Variants in NFATC1 observed in about 807,000 individuals in gnomAD.
The protein encoded by NFATC1 is nuclear factor of activated T cells 1.
Under a neutral mutation model 76.0 loss-of-function variants are expected in NFATC1, and 22 were observed. The observed-to-expected ratio is 0.29, with a 90% CI of 0.21 to 0.41. The LOEUF (loss-of-function observed/expected upper bound fraction) is 0.41. NFATC1 is among the 10% of genes least tolerant of loss of function. NFATC1 has a pLI of 1.00. For synonymous variants in NFATC1, 704 were observed against 613.1 expected, an observed-to-expected ratio of 1.15 and a Z score of -2.19; for missense variants, 1,357 against 1,337.7, an observed-to-expected ratio of 1.01 and a Z score of -0.23.
intron 2 of NFATC1, among the ~76,000 whole-genome samples, chr18:79,416,804 C>T (rs896490129): frequency 6.6e-6 from 1 of 152,230 alleles, no homozygotes; most frequent in African/African-American, 2.4e-5. Flanking sequence ...CTGGTTCCCG[C>T]TAACCCTTGC....
chr18:79,455,900 T>G (rs1309322684), intron 6 of NFATC1, among the ~76,000 whole-genome samples: 1 of 152,074 alleles, frequency 6.6e-6, no homozygotes, highest in Non-Finnish European at 1.5e-5. Context: ...TTTCCAGATT[T>G]CTCCACACAG....
chr18:79,396,805 C>A (rs1391196063), intron 1 of NFATC1, among the ~76,000 whole-genome samples: 1 of 151,520 alleles, frequency 6.6e-6, no homozygotes, highest in Non-Finnish European at 1.5e-5. Context: ...GCGCCCCCCA[C>A]CCCCACCCCG....
At chr18:79,455,735 C>T (rs368597365) in intron 6 of NFATC1, among the ~76,000 whole-genome samples, 17 of 122,318 alleles carry the variant, frequency 1.4e-4, no homozygotes, top group African/African-American at 4.5e-4. Flanking sequence ...GACCCCAGCT[C>T]GCCCCCCATC....
At chr18:79,408,443 C>T (rs1332706489) in intron 1 of NFATC1, among the ~76,000 whole-genome samples, 1 of 152,172 alleles carries the variant, frequency 6.6e-6, no homozygotes, top group African/African-American at 2.4e-5. Flanking sequence ...ACTGATTTCC[C>T]TAATAATGAT....
intron 9 of NFATC1, among the ~76,000 whole-genome samples, chr18:79,504,074 C>T (rs1056951008): frequency 3.3e-5 from 5 of 152,144 alleles, no homozygotes; most frequent in South Asian, 4.1e-4. Flanking sequence ...CCAGATCACT[C>T]GGACTTTCTC....
chr18:79,430,380 T>C (rs2086550145), intron 2 of NFATC1, among the ~76,000 whole-genome samples: 1 of 152,204 alleles, frequency 6.6e-6, no homozygotes, highest in African/African-American at 2.4e-5. Flanking sequence ...CTGTGAATTT[T>C]GTTTTTGGTT....
chr18:79,470,786 C>A (rs1386762993), intron 8 of NFATC1: 1 of 152,310 alleles, frequency 6.6e-6, no homozygotes, highest in Non-Finnish European at 1.5e-5. Flanking sequence ...GTCAGAAGGT[C>A]GCAGTGGTCG....
chr18:79,491,622 G>A (rs1667671), intron 9 of NFATC1, among the ~76,000 whole-genome samples: 71,372 of 152,102 alleles, frequency 0.47, 17,475 homozygotes, highest in Middle Eastern at 0.66. Flanking sequence ...GGTGACAGAA[G>A]CCCTGCCGGG....
chr18:79,444,635 A>G (rs535271288), intron 3 of NFATC1, among the ~76,000 whole-genome samples: 283 of 152,348 alleles, frequency 1.9e-3, no homozygotes, highest in African/African-American at 6.4e-3. Flanking sequence ...ACAACCTGGC[A>G]GACCACACCA....
chr18:79,464,702 A>ATATATATATATAT (rs1425452711), intron 7 of NFATC1, among the ~76,000 whole-genome samples: 16 of 69,270 alleles, frequency 2.3e-4, no homozygotes, highest in Admixed American at 5.4e-4. Flanking sequence ...ATATTTATTT[A>ATATATATATATAT]TTTATTTATT....
intron 3 of NFATC1, among the ~76,000 whole-genome samples, chr18:79,434,872 G>A (rs2086717992): frequency 6.6e-6 from 1 of 152,262 alleles, no homozygotes; most frequent in South Asian, 2.1e-4. Flanking sequence ...TTAATGTGAT[G>A]TTTGTGGCCT....
In NFATC1 at chr18:79,524,346, C is replaced by T. The variant is rs773677437; in HGVS notation, c.2783-3182C>T. On this transcript the variant is annotated intron_variant, in intron 9 of 9. Transcript: ENST00000427363. The surrounding 1 kb of genome is among the most constrained non-coding windows in gnomAD (Gnocchi z 7.2). ...CGGCTCCACGTACGGCTCTCGTCCGCGGTGTGGATGGGTGGGCGGTACAGC... is the reference window on the plus strand; with the variant it reads ...CGGCTCCACGTACGGCTCTCGTCCGTGGTGTGGATGGGTGGGCGGTACAGC... Among the ~76,000 whole-genome samples the T allele has an allele frequency of 5.9e-5, 9 of 152,216 alleles. No individual in the cohort carries two copies. Among genetic ancestry groups the T allele is most frequent in the Non-Finnish European group, 1.3e-4 (9 of 68,046 alleles).
chr18:79,525,466 C>T (rs547051781), intron 9 of NFATC1, among the ~76,000 whole-genome samples: 1 of 46,950 alleles, frequency 2.1e-5, no homozygotes, highest in Non-Finnish European at 4.2e-5. Context: ...GTCCTCCCCA[C>T]GTCCCACCGT....
chr18:79,478,133 C>T (rs1198851996), intron 8 of NFATC1, among the ~76,000 whole-genome samples: 2 of 148,678 alleles, frequency 1.3e-5, no homozygotes, highest in East Asian at 2.0e-4. Flanking sequence ...CCCCGCCCAC[C>T]CCCAGGTGCT....
intron 9 of NFATC1, among the ~76,000 whole-genome samples, chr18:79,489,864 C>T (rs1303988872): frequency 6.6e-6 from 1 of 152,248 alleles, no homozygotes; most frequent in Non-Finnish European, 1.5e-5. Context: ...CACACACAAG[C>T]TTTCGGGGTT....
intron 7 of NFATC1, among the ~76,000 whole-genome samples, chr18:79,463,626 A>G (rs1198278449): frequency 6.6e-6 from 1 of 152,014 alleles, no homozygotes; most frequent in Non-Finnish European, 1.5e-5. Context: ...CTCCCCACCT[A>G]CTGGGTGTCT....
In NFATC1 at chr18:79,410,273, C is replaced by T. The variant is rs2085617599; in HGVS notation, c.128-130C>T. The T allele has an allele frequency of 6.3e-6, 9 of 1,431,850 alleles. No individual in the cohort carries two copies. Among genetic ancestry groups the T allele is most frequent in the Non-Finnish European group, 8.5e-6 (9 of 1,064,250 alleles). The allele number at this position is 1,431,850 out of a possible 1,614,324, so 88.7% of individuals were successfully genotyped here. On this transcript the variant is annotated intron_variant, in intron 1 of 9. Transcript: ENST00000427363. The surrounding 1 kb of genome is among the most constrained non-coding windows in gnomAD (Gnocchi z 6.7). Reference sequence around the variant, plus strand: ...CTGTCCGGCAGCGTGGTCTCAGGGACGTTTGCTGAGGCCCGCTCCTTGGGG... The same window carrying T: ...CTGTCCGGCAGCGTGGTCTCAGGGATGTTTGCTGAGGCCCGCTCCTTGGGG...
intron 2 of NFATC1, among the ~76,000 whole-genome samples, chr18:79,433,361 G>A (rs1600698950): frequency 6.6e-6 from 1 of 152,242 alleles, no homozygotes; most frequent in African/African-American, 2.4e-5. Context: ...TTAAGGTTGT[G>A]CTTGGAAAAT....
At position 79,508,329 on chromosome 18, in the gene NFATC1, G is replaced by A. The variant is rs574781179; in HGVS notation, c.2783-19199G>A. Among the ~76,000 whole-genome samples the A allele has an allele frequency of 2.3e-4, 35 of 152,266 alleles. No homozygotes were observed. The South Asian group carries it at 6.6e-3, about 29-fold the overall frequency. ...AGGGTGCCGGGCAGGAGGAAGCGTC[G>A]TCACCTGGCAGTTCGCTCGGCCTGA... is the stretch of plus-strand genomic sequence containing the variant. On this transcript the variant is annotated intron_variant, in intron 9 of 9. Coordinates refer to ENST00000427363, the MANE Select transcript of NFATC1 (RefSeq NM_001278669.2).
Sources: allele counts gnomAD v4.1 joint callset (sites outside exome capture counted in the v4.1 genomes callset), GRCh38; gene constraint gnomAD v4.1.1; non-coding constraint Gnocchi (gnomAD v3.1); transcripts MANE v1.5; gene names NCBI Gene and HGNC (gene_info 2026-07-23, HGNC 2026-07-21).